PRRG1: variants seen among roughly 807,000 people sequenced by gnomAD.
PRRG1 encodes proline rich and Gla domain 1, also known as transmembrane gamma-carboxyglutamic acid protein 1.
PRRG1 carries 5 observed loss-of-function variants against 11.8 expected under a neutral mutation model. That is an observed-to-expected ratio of 0.42 (90% CI 0.22 to 0.89). PRRG1 has a LOEUF of 0.89. Ranked by LOEUF, PRRG1 falls within the 40% of genes least tolerant of loss-of-function variation. The probability of loss-of-function intolerance (pLI) is 0.28; values close to 1 mark genes in which losing one functional copy is unlikely to be tolerated. For missense variants in PRRG1, 155 were observed against 166.1 expected (o/e 0.93, Z 0.37); for synonymous variants, 66 against 60.4 (o/e 1.09, Z -0.43).
At chrX:37,366,422 C>T (rs1930573187) in intron 1 of PRRG1, among the ~76,000 whole-genome samples, 1 of 112,226 alleles carries the variant, frequency 8.9e-6, no homozygotes, top group African/African-American at 3.2e-5. Flanking sequence ...TCTTCAACAG[C>T]ACCATGATCC....
chrX:37,363,894 A>C (rs1930488724), intron 1 of PRRG1, among the ~76,000 whole-genome samples: 2 of 111,998 alleles, frequency 1.8e-5, no homozygotes, highest in African/African-American at 3.2e-5. Context: ...TACCCAGTCA[A>C]AATTTTTCCC....
chrX:37,413,825 C>T (rs930493809), intron 2 of PRRG1, among the ~76,000 whole-genome samples: 3 of 111,900 alleles, frequency 2.7e-5, no homozygotes, highest in East Asian at 2.8e-4. Flanking sequence ...CGTATTTTTA[C>T]GGTAACTATC....
chrX:37,429,454 G>A (rs1285969093), intron 3 of PRRG1, among the ~76,000 whole-genome samples: 4 of 111,270 alleles, frequency 3.6e-5, no homozygotes, highest in African/African-American at 1.3e-4. Context: ...TCTCTAGGGC[G>A]GGGCAAAATG....
intron 2 of PRRG1, among the ~76,000 whole-genome samples, chrX:37,411,598 T>G (rs782462294): frequency 8.9e-6 from 1 of 112,020 alleles, no homozygotes; most frequent in African/African-American, 3.2e-5. Flanking sequence ...CATCTGAATT[T>G]TTTTCTATCT....
chrX:37,350,001 GA>G (rs1930003135), intron 1 of PRRG1, among the ~76,000 whole-genome samples: 1 of 105,046 alleles, frequency 9.5e-6, no homozygotes, highest in South Asian at 4.6e-4. Flanking sequence ...GTGACAGTGG[GA>G]GGGGGTGCGT....
chrX:37,389,220 T>C (rs1382351134), intron 1 of PRRG1, among the ~76,000 whole-genome samples: 2 of 111,588 alleles, frequency 1.8e-5, no homozygotes, highest in Non-Finnish European at 3.8e-5. Context: ...TTCCAAACTT[T>C]CCTGCATTTT....
At chrX:37,359,507 T>C (rs1239983638) in intron 1 of PRRG1, among the ~76,000 whole-genome samples, 1 of 111,609 alleles carries the variant, frequency 9.0e-6, no homozygotes, top group Non-Finnish European at 1.9e-5. Flanking sequence ...GATCATAGCG[T>C]ATAATTTTTT....
intron 1 of PRRG1, among the ~76,000 whole-genome samples, chrX:37,392,569 G>T (rs1407009942): frequency 9.6e-6 from 1 of 103,790 alleles, no homozygotes; most frequent in Non-Finnish European, 2.0e-5. Context: ...TAGGTGGGAG[G>T]ATCACTTGAG....
intron 2 of PRRG1, among the ~76,000 whole-genome samples, chrX:37,425,381 C>T (rs1233803568): frequency 9.0e-6 from 1 of 111,038 alleles, no homozygotes; most frequent in Non-Finnish European, 1.9e-5. Context: ...TCTTTTCATA[C>T]AAGTTAGAGC....
chrX:37,397,224 T>C (rs1265435552), intron 1 of PRRG1, among the ~76,000 whole-genome samples: 1 of 112,705 alleles, frequency 8.9e-6, no homozygotes, highest in African/African-American at 3.2e-5. Context: ...TTGCCTGCTA[T>C]TTTATAGGAC....
At chrX:37,440,951 T>C (rs1932965073) in intron 3 of PRRG1, 2 of 593,006 alleles carry the variant, frequency 3.4e-6, no homozygotes, top group Non-Finnish European at 5.2e-6. Flanking sequence ...CAAAATTATG[T>C]GCAGACAAGG....
chrX:37,435,000 C>T (rs782535007), intron 3 of PRRG1, among the ~76,000 whole-genome samples: 1 of 112,127 alleles, frequency 8.9e-6, no homozygotes, highest in South Asian at 3.7e-4. Context: ...AGTCTGGGTG[C>T]TTAGCACACC....
At chrX:37,421,111 T>G (rs186704626) in intron 2 of PRRG1, among the ~76,000 whole-genome samples, 3 of 111,726 alleles carry the variant, frequency 2.7e-5, no homozygotes, top group East Asian at 5.6e-4. Context: ...TTATTTTATT[T>G]ATTTTTATTA....
At chrX:37,392,394 T>C (rs1556376961) in intron 1 of PRRG1, among the ~76,000 whole-genome samples, 1 of 109,223 alleles carries the variant, frequency 9.2e-6, no homozygotes, top group East Asian at 2.9e-4. Context: ...TAGTGCCAGG[T>C]GTGGTGGCTC....
intron 3 of PRRG1, among the ~76,000 whole-genome samples, chrX:37,450,992 T>TTTTTGTTTTTTG (rs1556396413): frequency 9.4e-6 from 1 of 106,500 alleles, no homozygotes; most frequent in East Asian, 2.8e-4. Context: ...ATTTTTGCTG[T>TTTTTGTTTTTTG]TTTTGTTTTG....
chrX:37,372,943 T>A (rs1930813311), intron 1 of PRRG1, among the ~76,000 whole-genome samples: 1 of 112,606 alleles, frequency 8.9e-6, no homozygotes, highest in Non-Finnish European at 1.9e-5. Flanking sequence ...TACCTTTAGG[T>A]CTTTAATCCA....
At chrX:37,428,094 C>G (rs1028163006) in intron 3 of PRRG1, among the ~76,000 whole-genome samples, 2 of 111,121 alleles carry the variant, frequency 1.8e-5, no homozygotes, top group Non-Finnish European at 1.9e-5. Flanking sequence ...ATTACCTCCC[C>G]CTGGGTCTCT....
chrX:37,415,584 CA>C (rs1556384995), intron 2 of PRRG1, among the ~76,000 whole-genome samples: 1 of 111,291 alleles, frequency 9.0e-6, no homozygotes. Flanking sequence ...TTGGCTTTTA[CA>C]ATTGCTACAT....
In PRRG1 at chrX:37,456,152, A is replaced by G. The variant is rs1375342468; in HGVS notation, c.*2531A>G. ...ATAAGTTAATACTTTAAAAATTTTC[A>G]GGTTTTTTTAGTATGGTGAATATTG... On this transcript the variant is annotated 3_prime_UTR_variant, in exon 4 of 4. Transcript: ENST00000378628. The G allele has an allele frequency of 7.2e-5, 8 of 111,798 alleles. No individual in the cohort carries two copies. The highest frequency in any genetic ancestry group is 1.5e-4 in the Non-Finnish European group (8 of 53,180). The allele number at this position is 111,798 out of a possible 1,213,427, so 9.2% of individuals were successfully genotyped here.
Sources: allele counts gnomAD v4.1 joint callset (sites outside exome capture counted in the v4.1 genomes callset), GRCh38; gene constraint gnomAD v4.1.1; transcripts MANE v1.5; gene names NCBI Gene and HGNC (gene_info 2026-07-23, HGNC 2026-07-21).